DSE: variants seen among roughly 807,000 people sequenced by gnomAD.
DSE encodes the protein dermatan sulfate epimerase, also known as dermatan-sulfate epimerase.
A neutral mutation model predicts 84.4 loss-of-function variants in DSE; 36 were observed. The observed-to-expected ratio is 0.43, with a 90% CI of 0.33 to 0.56. The LOEUF (loss-of-function observed/expected upper bound fraction) is 0.56, where lower values mean the gene tolerates loss of function less well. DSE is among the 20% of genes least tolerant of loss of function. DSE has a pLI of 0.06. For missense variants in DSE, 862 were observed against 1,169.6 expected (o/e 0.74, Z 3.84); for synonymous variants, 410 against 430.1 (o/e 0.95, Z 0.58).
rs1259170764 is a variant in DSE at position 116,388,802 on chromosome 6, A to G, written c.-53-10396A>G. ...GTGAATCAGTTAGCTTTATCTGTAT[A>G]TAGACTTTGGTTGATGAAGAAGTAG... On this transcript the variant is annotated intron_variant, in intron 1 of 5. Transcript: ENST00000644252. 2.0e-5 allele frequency among the ~76,000 whole-genome samples: 3 copies of G among 152,172 alleles called. No homozygotes were observed. The South Asian group carries it at 6.2e-4, about 31-fold the overall frequency.
Position 116,439,289 on chromosome 6 carries a change from T to C in DSE, c.*1944T>C, listed in dbSNP as rs1784349601. The C allele has an allele frequency of 6.6e-6, 1 of 152,188 alleles. No homozygotes were observed. The highest frequency in any genetic ancestry group is 1.5e-5 in the Non-Finnish European group (1 of 68,018). 9.4% of individuals were successfully genotyped at this position (152,188 alleles called of 1,614,324 possible). On this transcript the variant is annotated 3_prime_UTR_variant, in exon 6 of 6. Coordinates refer to ENST00000644252, the MANE Select transcript of DSE (RefSeq NM_013352.4). Reference sequence around the variant, plus strand: ...TGAAAAGTGCAAGTGAGTGCCAAACTCGCTTTTCTTTTGTTTTCATTAGGT... The same window carrying C: ...TGAAAAGTGCAAGTGAGTGCCAAACCCGCTTTTCTTTTGTTTTCATTAGGT...
chr6:116,273,613 C>G (rs1250577159), intron 2 of DSE, among the ~76,000 whole-genome samples: 3 of 151,962 alleles, frequency 2.0e-5, no homozygotes, highest in African/African-American at 7.3e-5. Context: ...CTGGTCCTCT[C>G]TGAGTTTGCT....
chr6:116,441,048 G>A lies in DSE; in HGVS notation c.*3703G>A, dbSNP rs757775072. ...TTATTTAATTTACTGGCAAAATGAC[G>A]TATTTTTTTTTCAGCAATGTTTCAG... On this transcript the variant is annotated 3_prime_UTR_variant, in exon 6 of 6. Transcript: ENST00000644252. 2.0e-5 allele frequency: 3 copies of A among 151,934 alleles called. No individual in the cohort carries two copies. The highest frequency in any genetic ancestry group is 2.9e-5 in the Non-Finnish European group (2 of 67,988). The allele number at this position is 151,934 out of a possible 1,614,324, so 9.4% of individuals were successfully genotyped here.
intron 2 of DSE, among the ~76,000 whole-genome samples, chr6:116,283,786 C>A (rs1212132737): frequency 6.6e-6 from 1 of 152,252 alleles, no homozygotes; most frequent in South Asian, 2.1e-4. Flanking sequence ...TCAGGTGATC[C>A]GCCCGCCTCA....
intron 2 of DSE, among the ~76,000 whole-genome samples, chr6:116,329,949 G>C (rs1458525614): frequency 6.6e-6 from 1 of 152,010 alleles, no homozygotes; most frequent in East Asian, 1.9e-4. Context: ...TCAGCCTCCC[G>C]GGTAGCTGGG....
At chr6:116,320,992 C>T (rs980938648) in intron 2 of DSE, among the ~76,000 whole-genome samples, 16 of 152,122 alleles carry the variant, frequency 1.1e-4, no homozygotes, top group Non-Finnish European at 4.4e-5. Flanking sequence ...AGCTGACATG[C>T]TGCACATGTC....
chr6:116,343,767 A>T (rs1325709979), intron 2 of DSE, among the ~76,000 whole-genome samples: 2 of 152,240 alleles, frequency 1.3e-5, no homozygotes, highest in African/African-American at 2.4e-5. Context: ...AACAGAACAA[A>T]GCTGGATGGA....
At chr6:116,258,956 C>T (rs1471485169) in exon 2 of DSE, 1 of 1,513,762 alleles carries the variant, frequency 6.6e-7, no homozygotes, top group Non-Finnish European at 9.2e-7. Flanking sequence ...GCATACCACC[C>T]TGCACTGTGA....
intron 2 of DSE, among the ~76,000 whole-genome samples, chr6:116,301,671 A>G (rs1271639079): frequency 1.3e-5 from 2 of 152,152 alleles, no homozygotes; most frequent in South Asian, 2.1e-4. Context: ...GTTCTGGGGT[A>G]CATGTGCAGA....
At chr6:116,402,830 A>G (rs924407913) in intron 2 of DSE, among the ~76,000 whole-genome samples, 4 of 152,228 alleles carry the variant, frequency 2.6e-5, no homozygotes, top group African/African-American at 9.6e-5. Flanking sequence ...AGTGGAAAGT[A>G]ACAATGATGT....
chr6:116,309,510 G>A (rs1436483584), intron 2 of DSE, among the ~76,000 whole-genome samples: 2 of 152,128 alleles, frequency 1.3e-5, no homozygotes, highest in African/African-American at 4.8e-5. Context: ...AGTTATACAT[G>A]AATTATTCAT....
intron 2 of DSE, among the ~76,000 whole-genome samples, chr6:116,300,531 T>G (rs1248236864): frequency 6.6e-6 from 1 of 152,212 alleles, no homozygotes; most frequent in Non-Finnish European, 1.5e-5. Context: ...AATGGCTTGA[T>G]GTGCTTCATG....
chr6:116,347,714 C>T (rs1285852382), intron 2 of DSE, among the ~76,000 whole-genome samples: 1 of 152,160 alleles, frequency 6.6e-6, no homozygotes, highest in African/African-American at 2.4e-5. Flanking sequence ...TAGGCAATAC[C>T]ATTCAGGACA....
intron 2 of DSE, among the ~76,000 whole-genome samples, chr6:116,315,910 T>C (rs1329540199): frequency 6.6e-6 from 1 of 151,982 alleles, no homozygotes; most frequent in Non-Finnish European, 1.5e-5. Context: ...GAATTGCTTG[T>C]ACCCGGGAGG....
intron 2 of DSE, among the ~76,000 whole-genome samples, chr6:116,411,588 G>A (rs907735560): frequency 1.3e-5 from 2 of 152,200 alleles, no homozygotes; most frequent in African/African-American, 4.8e-5. Flanking sequence ...TTCATTTACA[G>A]TGAGTTCAGT....
chr6:116,263,779 C>T (rs1470415125), intron 2 of DSE, among the ~76,000 whole-genome samples: 2 of 152,184 alleles, frequency 1.3e-5, no homozygotes, highest in Admixed American at 6.5e-5. Context: ...CCTTCAGGGG[C>T]TCTTGTAAAG....
intron 2 of DSE, chr6:116,259,089 TG>T: frequency 6.5e-7 from 1 of 1,543,846 alleles, no homozygotes; most frequent in Non-Finnish European, 8.9e-7. Flanking sequence ...CTGCCACTGC[TG>T]GTGCTGCTGT....
At chr6:116,270,174 C>T (rs760401726) in intron 2 of DSE, among the ~76,000 whole-genome samples, 5 of 152,100 alleles carry the variant, frequency 3.3e-5, no homozygotes, top group Non-Finnish European at 7.4e-5. Flanking sequence ...TAAGCAAGCC[C>T]CACTCTTGCC....
intron 2 of DSE, among the ~76,000 whole-genome samples, chr6:116,303,864 G>T (rs923438448): frequency 1.3e-5 from 2 of 152,078 alleles, no homozygotes; most frequent in African/African-American, 4.8e-5. Flanking sequence ...GGCCCGGTGC[G>T]GTGGCTCATG....
Sources: allele counts gnomAD v4.1 joint callset (sites outside exome capture counted in the v4.1 genomes callset), GRCh38; gene constraint gnomAD v4.1.1; transcripts MANE v1.5; gene names NCBI Gene and HGNC (gene_info 2026-07-23, HGNC 2026-07-21).